TAFA5: variants seen among roughly 807,000 people sequenced by gnomAD.
The protein encoded by TAFA5 is chemokine-like protein TAFA-5.
In TAFA5, 6 loss-of-function variants were observed where a neutral mutation model predicts 15.3. The observed-to-expected ratio is 0.39, with a 90% CI of 0.21 to 0.77. TAFA5 has a LOEUF of 0.77. Among genes scored for constraint, TAFA5 ranks in the 30% least tolerant of loss-of-function variants. The pLI is 0.41. For synonymous variants in TAFA5, 103 were observed against 80.7 expected (o/e 1.28, Z -1.48); for missense variants, 161 against 193.1 (o/e 0.83, Z 0.98).
intron 1 of TAFA5, among the ~76,000 whole-genome samples, chr22:48,621,684 C>T (rs1482839310): frequency 6.6e-6 from 1 of 152,186 alleles, no homozygotes; most frequent in African/African-American, 2.4e-5. Flanking sequence ...GGCCCGTGGC[C>T]TCGGGGTCTT....
At chr22:48,711,354 C>T (rs1257977386) in intron 3 of TAFA5, among the ~76,000 whole-genome samples, 7 of 151,756 alleles carry the variant, frequency 4.6e-5, no homozygotes, top group South Asian at 4.2e-4. Flanking sequence ...ACATGGGCCG[C>T]GGATGCCTGG....
At chr22:48,527,142 T>C (rs1921807899) in intron 1 of TAFA5, among the ~76,000 whole-genome samples, 1 of 152,244 alleles carries the variant, frequency 6.6e-6, no homozygotes, top group Non-Finnish European at 1.5e-5. Flanking sequence ...CCTGGGCCAA[T>C]TGACCAGGCC....
chr22:48,732,657 A>G (rs1417067133), intron 3 of TAFA5, among the ~76,000 whole-genome samples: 2 of 152,236 alleles, frequency 1.3e-5, no homozygotes, highest in Admixed American at 6.5e-5. Context: ...CCTAGTTGAC[A>G]GTGCAGCGGC....
At chr22:48,542,500 GC>G (rs1922462624) in intron 1 of TAFA5, among the ~76,000 whole-genome samples, 16 of 121,436 alleles carry the variant, frequency 1.3e-4, no homozygotes, top group Admixed American at 2.6e-4. Flanking sequence ...TGGTGTGTGT[GC>G]GTGTGTGGCA....
At chr22:48,576,479 C>A (rs753515423) in intron 1 of TAFA5, 1 of 1,461,936 alleles carries the variant, frequency 6.8e-7, no homozygotes, top group Admixed American at 2.1e-5. Context: ...TGGGACTCCG[C>A]GATGCAGCTC....
At chr22:48,570,742 C>T (rs1202925246) in intron 1 of TAFA5, among the ~76,000 whole-genome samples, 1 of 152,122 alleles carries the variant, frequency 6.6e-6, no homozygotes, top group Non-Finnish European at 1.5e-5. Flanking sequence ...TCGCTTTCTA[C>T]TATTAATTTG....
At chr22:48,517,887 C>G (rs1336600821) in intron 1 of TAFA5, among the ~76,000 whole-genome samples, 3 of 152,240 alleles carry the variant, frequency 2.0e-5, no homozygotes, top group South Asian at 2.1e-4. Context: ...AAAGCCCCCT[C>G]TGTTTTCCAG....
chr22:48,569,816 C>T (rs1282363015), intron 1 of TAFA5, among the ~76,000 whole-genome samples: 4 of 152,210 alleles, frequency 2.6e-5, no homozygotes, highest in Non-Finnish European at 5.9e-5. Flanking sequence ...CCCCAGCATG[C>T]GGCTGGCGTG....
intron 1 of TAFA5, among the ~76,000 whole-genome samples, chr22:48,634,572 G>T (rs556849411): frequency 6.6e-6 from 1 of 151,424 alleles, no homozygotes; most frequent in Admixed American, 6.6e-5. Flanking sequence ...GATTTACTCA[G>T]TCACTGATTC....
At chr22:48,495,971 C>T (rs765562147) in intron 1 of TAFA5, among the ~76,000 whole-genome samples, 6 of 152,234 alleles carry the variant, frequency 3.9e-5, no homozygotes, top group Non-Finnish European at 7.3e-5. Context: ...TGCTTGTGCT[C>T]ATTCCTCTCC....
intron 1 of TAFA5, among the ~76,000 whole-genome samples, chr22:48,603,290 C>T (rs939847179): frequency 3.3e-4 from 50 of 152,352 alleles, no homozygotes; most frequent in Middle Eastern, 3.4e-3. Flanking sequence ...GCCCACATGG[C>T]GTTGCTGGGC....
intron 2 of TAFA5, among the ~76,000 whole-genome samples, chr22:48,650,873 C>G (rs1927030593): frequency 6.6e-6 from 1 of 152,210 alleles, no homozygotes; most frequent in Non-Finnish European, 1.5e-5. Flanking sequence ...TGGCCAGGCC[C>G]TGCTTCTGCT....
chr22:48,554,317 A>G (rs914108971), intron 1 of TAFA5, among the ~76,000 whole-genome samples: 1 of 152,244 alleles, frequency 6.6e-6, no homozygotes. Context: ...ATCATAATCC[A>G]ACATTGACAA....
At chr22:48,526,503 C>T (rs893309161) in intron 1 of TAFA5, among the ~76,000 whole-genome samples, 7 of 152,228 alleles carry the variant, frequency 4.6e-5, no homozygotes, top group African/African-American at 1.7e-4. Flanking sequence ...GGGCTGGCTT[C>T]TGCGTGCCAC....
intron 3 of TAFA5, among the ~76,000 whole-genome samples, chr22:48,714,840 G>C (rs1040322213): frequency 2.6e-5 from 4 of 152,228 alleles, no homozygotes; most frequent in Non-Finnish European, 4.4e-5. Context: ...GGGCCCTGCT[G>C]TCTTGGGAGG....
chr22:48,492,660 G>A (rs554950635), intron 1 of TAFA5, among the ~76,000 whole-genome samples: 21 of 152,264 alleles, frequency 1.4e-4, no homozygotes, highest in East Asian at 3.9e-4. Flanking sequence ...GCCAGGAGAC[G>A]CAAACAGGGG....
At chr22:48,564,267 G>A (rs1000353001) in intron 1 of TAFA5, among the ~76,000 whole-genome samples, 1 of 152,254 alleles carries the variant, frequency 6.6e-6, no homozygotes. Flanking sequence ...GACGCTCCAG[G>A]TTGCGCGGAT....
At chr22:48,580,856 G>T (rs1924011381) in intron 1 of TAFA5, among the ~76,000 whole-genome samples, 2 of 152,156 alleles carry the variant, frequency 1.3e-5, no homozygotes, top group Non-Finnish European at 2.9e-5. Context: ...GGGGCCCCAG[G>T]GGCTTCCCTA....
chr22:48,679,044 CA>C (rs1569075937), intron 2 of TAFA5, among the ~76,000 whole-genome samples: 13 of 145,082 alleles, frequency 9.0e-5, no homozygotes, highest in African/African-American at 3.4e-4. Context: ...CCTGGCTCCC[CA>C]GCTCCCCCTC....
Sources: allele counts gnomAD v4.1 joint callset (sites outside exome capture counted in the v4.1 genomes callset), GRCh38; gene constraint gnomAD v4.1.1; transcripts MANE v1.5; gene names NCBI Gene and HGNC (gene_info 2026-07-23, HGNC 2026-07-21).